SP1: variants seen among roughly 807,000 people sequenced by gnomAD.
SP1 encodes the protein Sp1 transcription factor.
In SP1, 6 loss-of-function variants were observed where a neutral mutation model predicts 66.3. The ratio of observed to expected loss-of-function variants is 0.09; its 90% CI spans 0.05 to 0.18. SP1 has a LOEUF of 0.18. Among genes scored for constraint, SP1 ranks in the 10% least tolerant of loss-of-function variants. The probability of loss-of-function intolerance (pLI) is 1.00; values close to 1 mark genes in which losing one functional copy is unlikely to be tolerated. For missense variants in SP1, 848 were observed against 964.5 expected, an observed-to-expected ratio of 0.88 and a Z score of 1.60; for synonymous variants, 417 against 360.8, an observed-to-expected ratio of 1.16 and a Z score of -1.77.
intron 3 of SP1, among the ~76,000 whole-genome samples, chr12:53,385,605 A>AT (rs71443296): frequency 0.17 from 24,715 of 145,226 alleles, 2,094 homozygotes; most frequent in Admixed American, 0.2. Flanking sequence ...AAAAAAAAAA[A>AT]AAATAAATAA....
intron 1 of SP1, 42 bp from the exon 2 acceptor site, chr12:53,381,617 T>C: frequency 6.5e-7 from 1 of 1,549,578 alleles, no homozygotes; most frequent in Non-Finnish European, 8.8e-7. Context: ...TCATTTCTTT[T>C]CTTCCCTCAA....
intron 3 of SP1, among the ~76,000 whole-genome samples, chr12:53,392,345 TA>T: frequency 7.5e-6 from 1 of 132,742 alleles, no homozygotes; most frequent in Non-Finnish European, 1.6e-5. Context: ...CACACCTGGC[TA>T]ATTTTTTTTT....
At chr12:53,395,432 A>G (rs1938466203) in intron 3 of SP1, among the ~76,000 whole-genome samples, 1 of 152,166 alleles carries the variant, frequency 6.6e-6, no homozygotes, top group South Asian at 2.1e-4. Context: ...CTTCTTATTT[A>G]CCTTTCTTAA....
At chr12:53,397,417 T>C (rs1240615776) in intron 3 of SP1, among the ~76,000 whole-genome samples, 1 of 151,944 alleles carries the variant, frequency 6.6e-6, no homozygotes, top group African/African-American at 2.4e-5. Flanking sequence ...CAAAAATGTT[T>C]ATGAGGTAAT....
rs1281974844 is a variant in SP1 at position 53,380,654 on chromosome 12, C to T, written c.7+356C>T. The T allele has an allele frequency of 4.0e-6, 4 of 992,998 alleles. No homozygotes were observed. The African/African-American group carries it at 5.2e-5, about 13-fold the overall frequency. The allele number at this position is 992,998 out of a possible 1,614,324, so 61.5% of individuals were successfully genotyped here. A position where few individuals can be genotyped will look rare whatever the true frequency, so the allele number is the denominator to read the frequency against. Reference sequence around the variant, plus strand: ...CGGCCCGAGCAGCGAAGGCCCCGCCCGGGCCAACCGCCTGCCTGGTCCGCC... The same window carrying T: ...CGGCCCGAGCAGCGAAGGCCCCGCCTGGGCCAACCGCCTGCCTGGTCCGCC... On this transcript the variant is annotated intron_variant, in intron 1 of 5. Coordinates refer to ENST00000327443, the MANE Select transcript of SP1 (RefSeq NM_138473.3).
chr12:53,411,318 C>A lies in SP1; in HGVS notation c.*78C>A. The A allele has an allele frequency of 8.5e-7, 1 of 1,175,360 alleles. No homozygotes were observed. The highest frequency in any genetic ancestry group is 1.2e-6 in the Non-Finnish European group (1 of 823,804). The allele number at this position is 1,175,360 out of a possible 1,614,324, so 72.8% of individuals were successfully genotyped here. A position where few individuals can be genotyped will look rare whatever the true frequency, so the allele number is the denominator to read the frequency against. On this transcript the variant is annotated 3_prime_UTR_variant, in exon 6 of 6. Coordinates refer to ENST00000327443, the MANE Select transcript of SP1 (RefSeq NM_138473.3). ...TGCAAGGTAGCATGGGTCCAAGAGA[C>A]ATGGAAGAGAGAGCCATGAAGCATT...
chr12:53,392,868 A>G (rs1287240104), intron 3 of SP1, among the ~76,000 whole-genome samples: 1 of 151,494 alleles, frequency 6.6e-6, no homozygotes, highest in Non-Finnish European at 1.5e-5. Flanking sequence ...TCTGTCGCCC[A>G]GGCTGGAGTG....
rs1938828681 is a variant in SP1, at chr12:53,409,375, C to T, written c.1858C>T (p.Pro620Ser). Residue 620 changes from proline (P) to serine (S), a missense_variant, in exon 5 of 6, where the codon CCT becomes TCT. By Grantham distance (74) the Pro-to-Ser change is moderately conservative. Around this residue, in one of 7 missense-constraint regions of SP1, gnomAD observed 18 missense variants for 19.0 expected, o/e 0.95. Coordinates refer to ENST00000327443, the MANE Select transcript of SP1 (RefSeq NM_138473.3). ...KDSEGRGSGD[P>S]GKKKQHICHI... ...CCTCACTTTCAGGGGCTCGGGGGAT[C>T]CTGGCAAAAAGAAACAGCATATTTG... The T allele has an allele frequency of 6.2e-7, 1 of 1,613,524 alleles. No individual in the cohort carries two copies. The highest frequency in any genetic ancestry group is 1.7e-5 in the Admixed American group (1 of 59,922).
rs1939000557 is a variant in SP1, at chr12:53,416,427, A to G, written c.*5187A>G. 6.6e-6 allele frequency: 1 copy of G among 152,358 alleles called. No homozygotes were observed. Among genetic ancestry groups the G allele is most frequent in the Non-Finnish European group, 1.5e-5 (1 of 68,002 alleles). The allele number at this position is 152,358 out of a possible 1,614,324, so 9.4% of individuals were successfully genotyped here. On this transcript the variant is annotated 3_prime_UTR_variant, in exon 6 of 6. Transcript: ENST00000327443. ...TGTAGCCTCCTTTGTAAACCAATTA[A>G]AAAGTTTTTTAATAAAAAACCATGT... is the stretch of plus-strand genomic sequence containing the variant.
At chr12:53,392,158 ATAATT>A (rs1331815037) in intron 3 of SP1, among the ~76,000 whole-genome samples, 1 of 152,118 alleles carries the variant, frequency 6.6e-6, no homozygotes, top group Non-Finnish European at 1.5e-5. Flanking sequence ...TACAAAATAA[ATAATT>A]TAACCACTTA....
At position 53,406,622 on chromosome 12, in the gene SP1, T is replaced by A. The variant is rs2136916807; in HGVS notation, c.1713T>A (p.Gly571=). The A allele has an allele frequency of 6.2e-7, 1 of 1,613,874 alleles. No homozygotes were observed. Among genetic ancestry groups the A allele is most frequent in the African/African-American group, 1.3e-5 (1 of 74,930 alleles). Residue 571 remains glycine (G), a synonymous_variant, in exon 4 of 6, where the codon GGT becomes GGA. Transcript: ENST00000327443. ...HGAQLGLHGA[G]GDGIHDDTAG... ...CTCAGCTTGGTCTCCATGGGGCTGG[T>A]GGTGATGGAATACATGATGACACAG...
chr12:53,381,360 T>C (rs1938093397), intron 1 of SP1: 1 of 222,412 alleles, frequency 4.5e-6, no homozygotes, highest in South Asian at 1.0e-4. Context: ...TTTTTCTTAT[T>C]TAGAAACTCT....
At chr12:53,380,821 A>T (rs1348387512) in intron 1 of SP1, 1 of 183,876 alleles carries the variant, frequency 5.4e-6, no homozygotes, top group East Asian at 2.0e-4. Context: ...TCCGCCCCGA[A>T]ACCTTCTGAC....
Position 53,409,965 on chromosome 12 carries a change from G to A in SP1, c.2044+404G>A, listed in dbSNP as rs1015007072. On this transcript the variant is annotated intron_variant, in intron 5 of 5. Coordinates refer to ENST00000327443, the MANE Select transcript of SP1 (RefSeq NM_138473.3). ...GCGGAGCTTGCAATGAGCCAAGATCGTGCCACTGCACTCCAGCCTGGGCGA... is the reference window on the plus strand; with the variant it reads ...GCGGAGCTTGCAATGAGCCAAGATCATGCCACTGCACTCCAGCCTGGGCGA... Among the ~76,000 whole-genome samples the A allele has an allele frequency of 3.3e-5, 5 of 151,844 alleles. No individual in the cohort carries two copies. In the East Asian group the frequency reaches 7.7e-4, roughly 23 times the overall value.
intron 3 of SP1, among the ~76,000 whole-genome samples, chr12:53,393,321 G>A (rs929336443): frequency 6.6e-6 from 1 of 151,394 alleles, no homozygotes; most frequent in African/African-American, 2.4e-5. Context: ...TTTTTGAGAC[G>A]GAGTCTTGCT....
chr12:53,395,110 G>GT (rs2136903872), intron 3 of SP1, among the ~76,000 whole-genome samples: 1 of 152,186 alleles, frequency 6.6e-6, no homozygotes, highest in South Asian at 2.1e-4. Context: ...GGAGGCTAAG[G>GT]TGGGCGGATC....
At chr12:53,384,612 T>C (rs1321383729) in intron 3 of SP1, among the ~76,000 whole-genome samples, 3 of 152,178 alleles carry the variant, frequency 2.0e-5, no homozygotes, top group South Asian at 2.1e-4. Flanking sequence ...ATGTTTTTTT[T>C]CCACACCCCT....
intron 3 of SP1, among the ~76,000 whole-genome samples, chr12:53,404,784 C>T (rs1355785681): frequency 6.6e-6 from 1 of 151,786 alleles, no homozygotes; most frequent in Non-Finnish European, 1.5e-5. Flanking sequence ...CTTCCTCCCA[C>T]CTTAGCCTCC....
chr12:53,388,635 A>G (rs1000907420), intron 3 of SP1, among the ~76,000 whole-genome samples: 1 of 152,124 alleles, frequency 6.6e-6, no homozygotes, highest in African/African-American at 2.4e-5. Flanking sequence ...TAATAAAATC[A>G]CTTCCTAGAG....
Sources: gnomAD v4.1 joint callset for allele counts (sites outside exome capture counted in the v4.1 genomes callset) on GRCh38, gnomAD v4.1.1 for gene constraint, gnomAD v4.1.1 regional missense constraint, MANE v1.5 for transcripts, NCBI Gene and HGNC (gene_info 2026-07-23, HGNC 2026-07-21) for gene names.